DPH6: variants seen among roughly 807,000 people sequenced by gnomAD.
DPH6 encodes diphthamine biosynthesis 6, also known as diphthine--ammonia ligase.
Under a neutral mutation model 38.2 loss-of-function variants are expected in DPH6, and 33 were observed. That is an observed-to-expected ratio of 0.86 (90% CI 0.65 to 1.15). The LOEUF is 1.15. DPH6 is among the 50% of genes most tolerant of loss of function. The pLI, the probability that DPH6 is intolerant of heterozygous loss-of-function variation, is 0.00. For synonymous variants in DPH6, 108 were observed against 103.0 expected (o/e 1.05, Z -0.30); for missense variants, 325 against 320.0 (o/e 1.02, Z -0.12).
the DPH6 span, among the ~76,000 whole-genome samples, chr15:35,155,100 A>G: frequency 2.0e-5 from 3 of 152,164 alleles, no homozygotes; most frequent in African/African-American, 7.2e-5. Flanking sequence ...CCTGTCTATG[A>G]CCTTCAGCAG....
downstream of DPH6, among the ~76,000 whole-genome samples, chr15:35,212,658 A>C (rs988843894): frequency 6.6e-6 from 1 of 152,206 alleles, no homozygotes; most frequent in Non-Finnish European, 1.5e-5. Flanking sequence ...TATAAAGACA[A>C]CTGAAATAGT....
At chr15:35,531,331 G>A (rs1410902529) in intron 3 of DPH6, among the ~76,000 whole-genome samples, 1 of 152,150 alleles carries the variant, frequency 6.6e-6, no homozygotes, top group African/African-American at 2.4e-5. Flanking sequence ...TACACTGATA[G>A]GATGCCTTAT....
intron 3 of DPH6, among the ~76,000 whole-genome samples, chr15:35,338,593 A>G (rs898555096): frequency 1.1e-4 from 16 of 152,224 alleles, no homozygotes; most frequent in Non-Finnish European, 2.2e-4. Flanking sequence ...GGGACTGTAA[A>G]CTAGTTCAAC....
intron 1 of DPH6, 146 bp from the exon 2 acceptor site, chr15:35,542,653 C>A: frequency 1.3e-6 from 1 of 746,760 alleles, no homozygotes; most frequent in Non-Finnish European, 2.0e-6. Flanking sequence ...ATTTCTAAAT[C>A]ATAAACAAAC....
chr15:35,462,976 C>G (rs180777664), intron 3 of DPH6, among the ~76,000 whole-genome samples: 144 of 152,104 alleles, frequency 9.5e-4, no homozygotes, highest in African/African-American at 3.3e-3. Flanking sequence ...GTATCTTTGT[C>G]TTTCAAATCA....
intron 3 of DPH6, among the ~76,000 whole-genome samples, chr15:35,315,947 C>T (rs1947143356): frequency 6.6e-6 from 1 of 152,004 alleles, no homozygotes; most frequent in South Asian, 2.1e-4. Context: ...CCCAGAAAGA[C>T]AAGTAATGCA....
In DPH6 at chr15:35,237,668, C is replaced by T. The variant is rs560461569; in HGVS notation, n.201-17086G>A. 3 of 1,613,798 alleles carry T rather than the reference C, an allele frequency of 1.9e-6. No homozygotes were observed. In the Admixed American group the frequency reaches 5.0e-5, roughly 27 times the overall value. On this transcript the variant is annotated intron_variant and non_coding_transcript_variant, in intron 3 of 3. Transcript: ENST00000560386. Reference sequence around the variant, plus strand: ...AGAGCCACTGAAAAACTTAGAAAACCTCAAGAGCTTAGACCTTTTCAATTG... The same window carrying T: ...AGAGCCACTGAAAAACTTAGAAAACTTCAAGAGCTTAGACCTTTTCAATTG...
intron 3 of DPH6, among the ~76,000 whole-genome samples, chr15:35,351,220 C>A (rs562523679): frequency 2.6e-5 from 4 of 152,120 alleles, no homozygotes; most frequent in Non-Finnish European, 5.9e-5. Flanking sequence ...ATATCAACCC[C>A]TGCTGTCATT....
intron 3 of DPH6, among the ~76,000 whole-genome samples, chr15:35,238,881 GAAC>G (rs2051576741): frequency 6.7e-6 from 1 of 150,094 alleles, no homozygotes; most frequent in Non-Finnish European, 1.5e-5. Flanking sequence ...GCCCACCAGA[GAAC>G]AACCCTCTTT....
chr15:35,345,019 A>C, intron 3 of DPH6, among the ~76,000 whole-genome samples: 1 of 151,866 alleles, frequency 6.6e-6, no homozygotes, highest in Non-Finnish European at 1.5e-5. Flanking sequence ...TAAAATACAG[A>C]ATACAATTAA....
intron 3 of DPH6, chr15:35,237,524 A>T (rs2051562061): frequency 6.4e-7 from 1 of 1,555,840 alleles, no homozygotes; most frequent in Admixed American, 1.7e-5. Flanking sequence ...AAACAAACTT[A>T]AGAAGCTTGA....
chr15:35,459,030 A>G lies in DPH6; in HGVS notation c.313-4210T>C, dbSNP rs533187972. On this transcript the variant is annotated intron_variant, in intron 3 of 8. Coordinates refer to ENST00000256538, the MANE Select transcript of DPH6 (RefSeq NM_080650.4). ...ATTAACTGAGAAAGAAAATATATAC[A>G]TGTTTTAAAAGAAAATACTCTGTTT... 2.2e-4 allele frequency among the ~76,000 whole-genome samples: 33 copies of G among 152,302 alleles called. 1 individual carries two copies. The highest frequency in any genetic ancestry group is 7.7e-4 in the East Asian group (4 of 5,180).
intron 3 of DPH6, among the ~76,000 whole-genome samples, chr15:35,245,498 A>G (rs1010250750): frequency 6.6e-6 from 1 of 152,140 alleles, no homozygotes; most frequent in Non-Finnish European, 1.5e-5. Flanking sequence ...TCGGCCTCCC[A>G]AAGTGCTGGG....
intron 3 of DPH6, chr15:35,237,244 G>A (rs1451222394): frequency 8.1e-7 from 1 of 1,240,720 alleles, no homozygotes; most frequent in Non-Finnish European, 1.2e-6. Context: ...GGAGCTGGTT[G>A]AGCCTTGAAA....
At chr15:35,453,192 G>A (rs557740846) in intron 4 of DPH6, among the ~76,000 whole-genome samples, 1 of 152,042 alleles carries the variant, frequency 6.6e-6, no homozygotes, top group African/African-American at 2.4e-5. Context: ...ATAATATAAC[G>A]TCTGTTCATC....
At chr15:35,239,991 C>T (rs2051586436) in intron 3 of DPH6, among the ~76,000 whole-genome samples, 1 of 142,566 alleles carries the variant, frequency 7.0e-6, no homozygotes, top group Admixed American at 7.6e-5. Context: ...AACCCCCCAC[C>T]CCTTCTCCGT....
chr15:35,249,823 A>AC (rs2051659383), intron 3 of DPH6, among the ~76,000 whole-genome samples: 1 of 152,230 alleles, frequency 6.6e-6, no homozygotes, highest in Admixed American at 6.5e-5. Flanking sequence ...ACTTATAAGC[A>AC]CAGCATAAAG....
chr15:35,366,260 GTGTA>G (rs758374082), downstream of DPH6, among the ~76,000 whole-genome samples: 1 of 150,806 alleles, frequency 6.6e-6, no homozygotes, highest in African/African-American at 2.4e-5. Flanking sequence ...GTGTGTGTGT[GTGTA>G]TACATATAAA....
At chr15:35,388,775 A>G (rs1023138808) in intron 6 of DPH6, among the ~76,000 whole-genome samples, 2 of 151,962 alleles carry the variant, frequency 1.3e-5, no homozygotes, top group African/African-American at 4.8e-5. Context: ...AATTTTGTTG[A>G]TCTTTTCAAA....
Sources: allele counts gnomAD v4.1 joint callset (sites outside exome capture counted in the v4.1 genomes callset), GRCh38; gene constraint gnomAD v4.1.1; transcripts MANE v1.5; gene names NCBI Gene and HGNC (gene_info 2026-07-23, HGNC 2026-07-21).